Variants in ASB3 observed in about 807,000 individuals in gnomAD.
ASB3 encodes ankyrin repeat and SOCS box containing 3.
Under a neutral mutation model 54.5 loss-of-function variants are expected in ASB3, and 41 were observed. The observed-to-expected ratio is 0.75, with a 90% CI of 0.59 to 0.98. The LOEUF (loss-of-function observed/expected upper bound fraction) is 0.98, where lower values mean the gene tolerates loss of function less well. Ranked by LOEUF, ASB3 falls within the 50% of genes least tolerant of loss-of-function variation. ASB3 has a pLI of 0.00. For missense variants in ASB3, 733 were observed against 620.0 expected, an observed-to-expected ratio of 1.18 and a Z score of -1.94; for synonymous variants, 266 against 221.2, an observed-to-expected ratio of 1.20 and a Z score of -1.80.
At chr2:53,741,528 T>A (rs189687997) in intron 3 of ASB3, among the ~76,000 whole-genome samples, 1 of 152,340 alleles carries the variant, frequency 6.6e-6, no homozygotes, top group East Asian at 1.9e-4. Flanking sequence ...TCAAGCTTCT[T>A]ATATAAATCG....
chr2:53,712,133 A>C (rs1031475098), intron 7 of ASB3, among the ~76,000 whole-genome samples: 1 of 152,060 alleles, frequency 6.6e-6, no homozygotes, highest in African/African-American at 2.4e-5. Flanking sequence ...CAAGAATGAG[A>C]TAATAGCTCC....
At chr2:53,736,220 T>G (rs117300254) in intron 3 of ASB3, among the ~76,000 whole-genome samples, 1 of 152,242 alleles carries the variant, frequency 6.6e-6, no homozygotes, top group East Asian at 1.9e-4. Flanking sequence ...AAATAGCTAA[T>G]AAAATACATG....
At chr2:53,674,777 C>T (rs991857895) in intron 9 of ASB3, among the ~76,000 whole-genome samples, 4 of 152,050 alleles carry the variant, frequency 2.6e-5, no homozygotes, top group African/African-American at 9.7e-5. Flanking sequence ...CTTTTGTTCC[C>T]AGTTTTTCTT....
At chr2:53,721,153 T>C (rs1249034121) in intron 5 of ASB3, among the ~76,000 whole-genome samples, 1 of 149,326 alleles carries the variant, frequency 6.7e-6, no homozygotes, top group Non-Finnish European at 1.5e-5. Context: ...AATAAATAAA[T>C]AAATAAATAA....
At chr2:53,774,247 A>G in intron 1 of ASB3, 2 of 1,614,154 alleles carry the variant, frequency 1.2e-6, no homozygotes, top group Middle Eastern at 3.3e-4. Context: ...CACAACAGTC[A>G]TTTTTTATCC....
chr2:53,763,828 T>G (rs1673285538), intron 2 of ASB3, among the ~76,000 whole-genome samples: 1 of 152,236 alleles, frequency 6.6e-6, no homozygotes, highest in Admixed American at 6.5e-5. Context: ...TATAGTTAAC[T>G]TCAAACAGAT....
intron 3 of ASB3, 98 bp from the exon 4 acceptor site, chr2:53,729,668 C>T: frequency 1.1e-6 from 1 of 934,328 alleles, no homozygotes; most frequent in East Asian, 2.5e-5. Context: ...CACCTCAGAA[C>T]CACAATGCTC....
At chr2:53,773,159 A>G (rs1313670988) in intron 1 of ASB3, among the ~76,000 whole-genome samples, 1 of 152,212 alleles carries the variant, frequency 6.6e-6, no homozygotes, top group African/African-American at 2.4e-5. Context: ...TCAAATTGGT[A>G]ACTTATAACT....
At chr2:53,693,402 A>T (rs1227063575) in intron 9 of ASB3, among the ~76,000 whole-genome samples, 3 of 152,140 alleles carry the variant, frequency 2.0e-5, no homozygotes, top group East Asian at 1.9e-4. Flanking sequence ...TTATCTCCAC[A>T]GTTATACCAT....
In ASB3 at chr2:53,772,825, T is replaced by A. The variant is rs183266960; in HGVS notation, c.-13-7240A>T. Among the ~76,000 whole-genome samples, 454 of 152,242 alleles carry A rather than the reference T, an allele frequency of 3.0e-3. 1 individual carries two copies. The highest frequency in any genetic ancestry group is 0.011 in the African/African-American group (440 of 41,534). On this transcript the variant is annotated intron_variant, in intron 1 of 9. Transcript: ENST00000263634. ...ATCACCCAGGTATTAACATTAAGCC[T>A]AGTATCAATTAGTTATTTTTCTAGA...
At chr2:53,715,266 G>GACTAT (rs1558534415) in intron 6 of ASB3, among the ~76,000 whole-genome samples, 1 of 152,114 alleles carries the variant, frequency 6.6e-6, no homozygotes, top group African/African-American at 2.4e-5. Flanking sequence ...AAGAAAAAAG[G>GACTAT]ACTATTCTAC....
chr2:53,755,093 A>C (rs898998247), intron 2 of ASB3, among the ~76,000 whole-genome samples: 2 of 152,132 alleles, frequency 1.3e-5, no homozygotes, highest in African/African-American at 4.8e-5. Flanking sequence ...TCTCCTTCTC[A>C]ACTTATTGAA....
At chr2:53,750,668 T>C (rs928541088) in intron 3 of ASB3, 115 bp downstream of exon 3, 34 of 1,143,310 alleles carry the variant, frequency 3.0e-5, no homozygotes, top group African/African-American at 1.1e-4. Context: ...AGTGGTATGA[T>C]AGTTGCCAAA....
At chr2:53,776,015 A>C (rs898669279) in intron 1 of ASB3, among the ~76,000 whole-genome samples, 2 of 152,282 alleles carry the variant, frequency 1.3e-5, no homozygotes, top group Middle Eastern at 3.4e-3. Context: ...ATTATAGGTT[A>C]TTTCTTTCTC....
At chr2:53,721,592 A>G (rs1670717383) in intron 5 of ASB3, among the ~76,000 whole-genome samples, 1 of 151,796 alleles carries the variant, frequency 6.6e-6, no homozygotes, top group Non-Finnish European at 1.5e-5. Context: ...ACAAACAAAC[A>G]AACTTGCTCT....
chr2:53,759,287 A>T (rs1398490082), intron 2 of ASB3, among the ~76,000 whole-genome samples: 1 of 152,222 alleles, frequency 6.6e-6, no homozygotes, highest in Non-Finnish European at 1.5e-5. Context: ...GAGGAAGACT[A>T]TGAATTATTC....
chr2:53,742,751 A>G (rs2103970926), intron 3 of ASB3, among the ~76,000 whole-genome samples: 1 of 152,208 alleles, frequency 6.6e-6, no homozygotes, highest in South Asian at 2.1e-4. Context: ...AAAACAGGAA[A>G]AGTAAAACAA....
chr2:53,689,549 A>G (rs1005816639), intron 9 of ASB3, among the ~76,000 whole-genome samples: 1 of 152,198 alleles, frequency 6.6e-6, no homozygotes, highest in Non-Finnish European at 1.5e-5. Context: ...CCTAACCCTA[A>G]GCTTTGTTTC....
At chr2:53,767,690 A>G in intron 1 of ASB3, 1 of 632,402 alleles carries the variant, frequency 1.6e-6, no homozygotes, top group Non-Finnish European at 2.7e-6. Flanking sequence ...CACCCTAATC[A>G]AGGAAATAAA....
Sources: allele counts gnomAD v4.1 joint callset (sites outside exome capture counted in the v4.1 genomes callset), GRCh38; gene constraint gnomAD v4.1.1; transcripts MANE v1.5; gene names NCBI Gene and HGNC (gene_info 2026-07-23, HGNC 2026-07-21).